The following CMIP variants were observed in gnomAD, a reference collection of about 807,000 sequenced individuals.
The protein encoded by CMIP is C-Maf-inducing protein.
Under a neutral mutation model 97.3 loss-of-function variants are expected in CMIP, and 13 were observed. The ratio of observed to expected loss-of-function variants is 0.13; its 90% CI spans 0.09 to 0.21. CMIP has a LOEUF of 0.21. CMIP is among the 10% of genes least tolerant of loss of function. The probability of loss-of-function intolerance (pLI) is 1.00; values close to 1 mark genes in which losing one functional copy is unlikely to be tolerated. For synonymous variants in CMIP, 538 were observed against 436.3 expected (o/e 1.23, Z -2.91); for missense variants, 847 against 1,024.9 (o/e 0.83, Z 2.37).
chr16:81,703,819 C>T (rs762053434), intron 17 of CMIP, 120 bp from the exon 18 acceptor site: 48 of 1,358,088 alleles, frequency 3.5e-5, no homozygotes, highest in East Asian at 5.1e-5. Context: ...TGGGATTTAC[C>T]GCCCCCCAGG....
rs974526738 is a variant in CMIP, at chr16:81,445,225, C to A, written c.-17C>A. ...AGCCCCCTCTCCCCGCCCCCAGCCCCCTCCCCCGGCGCGGCCATGGATGTG... is the reference window on the plus strand; with the variant it reads ...AGCCCCCTCTCCCCGCCCCCAGCCCACTCCCCCGGCGCGGCCATGGATGTG... On this transcript the variant is annotated 5_prime_UTR_variant, in exon 1 of 21. Coordinates refer to ENST00000537098, the MANE Select transcript of CMIP (RefSeq NM_198390.3). The A allele has an allele frequency of 1.3e-6, 2 of 1,502,238 alleles. No homozygotes were observed. The highest frequency in any genetic ancestry group is 2.8e-5 in the African/African-American group (2 of 71,720). 93.1% of individuals were successfully genotyped at this position (1,502,238 alleles called of 1,614,324 possible). A position where few individuals can be genotyped will look rare whatever the true frequency, so the allele number is the denominator to read the frequency against.
intron 3 of CMIP, among the ~76,000 whole-genome samples, chr16:81,626,292 G>GT (rs1232871248): frequency 6.6e-6 from 1 of 152,010 alleles, no homozygotes; most frequent in African/African-American, 2.4e-5. Context: ...TGTGTGTTGT[G>GT]TGGGGTGACT....
In CMIP at chr16:81,688,230, C is replaced by T. The variant is rs564573529; in HGVS notation, c.1389-3545C>T. Among the ~76,000 whole-genome samples, 12 of 149,260 alleles carry T rather than the reference C, an allele frequency of 8.0e-5. No individual in the cohort carries two copies. In the South Asian group the frequency reaches 2.4e-3, roughly 30 times the overall value. ...TAGATGACTCGGAGTGGGTAACTGACCTCTCCCGCTGTCTCTGCACACAGG... is the reference window on the plus strand; with the variant it reads ...TAGATGACTCGGAGTGGGTAACTGATCTCTCCCGCTGTCTCTGCACACAGG... On this transcript the variant is annotated intron_variant, in intron 10 of 20. Coordinates refer to ENST00000537098, the MANE Select transcript of CMIP (RefSeq NM_198390.3).
At chr16:81,572,311 G>T (rs1415428097) in intron 1 of CMIP, among the ~76,000 whole-genome samples, 2 of 152,248 alleles carry the variant, frequency 1.3e-5, no homozygotes, top group African/African-American at 4.8e-5. Flanking sequence ...GCAGCGATTG[G>T]CCCTTGCCCT....
intron 1 of CMIP, among the ~76,000 whole-genome samples, chr16:81,541,545 G>A (rs758356260): frequency 6.6e-6 from 1 of 152,204 alleles, no homozygotes; most frequent in Non-Finnish European, 1.5e-5. Context: ...ACCTGGTTAC[G>A]CTGGTGAGAG....
At chr16:81,566,019 G>A (rs1298268397) in intron 1 of CMIP, among the ~76,000 whole-genome samples, 2 of 152,320 alleles carry the variant, frequency 1.3e-5, no homozygotes, top group African/African-American at 2.4e-5. Flanking sequence ...GGGAGGCCGA[G>A]GCAAATAGTT....
chr16:81,680,835 A>C (rs1904803004), intron 10 of CMIP, among the ~76,000 whole-genome samples: 1 of 152,180 alleles, frequency 6.6e-6, no homozygotes, highest in African/African-American at 2.4e-5. Context: ...CCCCAGTTCC[A>C]GCTGGTTTTT....
chr16:81,641,403 A>C (rs2092305366), intron 3 of CMIP, among the ~76,000 whole-genome samples: 1 of 152,098 alleles, frequency 6.6e-6, no homozygotes, highest in Admixed American at 6.6e-5. Context: ...TCAGCGAGGA[A>C]AACAGCTACA....
At position 81,666,356 on chromosome 16, in the gene CMIP, T is replaced by A. The variant is rs1167198921; in HGVS notation, c.825+2007T>A. On this transcript the variant is annotated intron_variant, in intron 7 of 20. Transcript: ENST00000537098. ...CTTCAGGCACATAAACATTTTTGCA[T>A]ACTCCATGTTAGTCAATAAACCGTT... is the stretch of plus-strand genomic sequence containing the variant. The A allele has an allele frequency of 3.3e-5, 5 of 152,282 alleles. No individual in the cohort carries two copies. In the East Asian group the frequency reaches 9.6e-4, roughly 29 times the overall value. 9.4% of individuals were successfully genotyped at this position (152,282 alleles called of 1,614,324 possible). A position where few individuals can be genotyped will look rare whatever the true frequency, so the allele number is the denominator to read the frequency against.
At chr16:81,609,557 T>C (rs1011437795) in intron 2 of CMIP, among the ~76,000 whole-genome samples, 1 of 152,124 alleles carries the variant, frequency 6.6e-6, no homozygotes, top group African/African-American at 2.4e-5. Context: ...GACAGAGCCA[T>C]AAACAAATGA....
At chr16:81,677,739 TG>T (rs1904417119) in intron 9 of CMIP, among the ~76,000 whole-genome samples, 1 of 151,206 alleles carries the variant, frequency 6.6e-6, no homozygotes, top group African/African-American at 2.4e-5. Context: ...CCAGGAGGAG[TG>T]GGGGTTCCGC....
intron 1 of CMIP, among the ~76,000 whole-genome samples, chr16:81,565,620 T>C (rs1326167416): frequency 2.0e-5 from 3 of 152,176 alleles, no homozygotes; most frequent in African/African-American, 7.2e-5. Flanking sequence ...GGTGGGGTCC[T>C]AGTACACACA....
At chr16:81,474,373 C>G (rs894897653) in intron 1 of CMIP, among the ~76,000 whole-genome samples, 4 of 152,236 alleles carry the variant, frequency 2.6e-5, no homozygotes, top group South Asian at 4.1e-4. Context: ...CCTCCCTTCC[C>G]CCTTCCTTTC....
chr16:81,646,793 G>A (rs1187368273), intron 3 of CMIP, among the ~76,000 whole-genome samples: 7 of 152,194 alleles, frequency 4.6e-5, no homozygotes, highest in Non-Finnish European at 1.0e-4. Context: ...CCGTCTTGTA[G>A]CATGTGGGTA....
chr16:81,582,982 T>C (rs1377052109), intron 1 of CMIP, among the ~76,000 whole-genome samples: 2 of 152,088 alleles, frequency 1.3e-5, no homozygotes, highest in African/African-American at 2.4e-5. Flanking sequence ...CAAGGGACAA[T>C]TGCATCAGCA....
At chr16:81,520,915 G>A (rs970169914) in intron 1 of CMIP, among the ~76,000 whole-genome samples, 13 of 151,970 alleles carry the variant, frequency 8.6e-5, no homozygotes, top group African/African-American at 1.2e-4. Flanking sequence ...AGCTGCTGTC[G>A]TGAGTGTGTG....
intron 3 of CMIP, among the ~76,000 whole-genome samples, chr16:81,644,550 CTGA>C (rs2092342122): frequency 6.6e-6 from 1 of 152,188 alleles, no homozygotes. Context: ...GTGACAGTCT[CTGA>C]TGCTCACCGG....
intron 2 of CMIP, chr16:81,620,155 C>G (rs180855380): frequency 5.3e-5 from 8 of 152,302 alleles, no homozygotes; most frequent in African/African-American, 1.9e-4. Context: ...CCCCATTTTA[C>G]AGATGGGAAA....
rs531834513 is a variant in CMIP, at chr16:81,638,872, C to T, written c.478-13331C>T. The stretch of plus-strand genomic sequence containing the variant: ...GTTTTAGAATTCTGAAAGAGGGGCG[C>T]CTGTTCTAGTCCATGAGGAAATGCA... On this transcript the variant is annotated intron_variant, in intron 3 of 20. Transcript: ENST00000537098. Among the ~76,000 whole-genome samples the T allele has an allele frequency of 2.0e-5, 3 of 152,098 alleles. No homozygotes were observed. In the South Asian group the frequency reaches 6.3e-4, roughly 32 times the overall value.
Sources: allele counts gnomAD v4.1 joint callset (sites outside exome capture counted in the v4.1 genomes callset), GRCh38; gene constraint gnomAD v4.1.1; transcripts MANE v1.5; gene names NCBI Gene and HGNC (gene_info 2026-07-23, HGNC 2026-07-21).